DNAH6: variants seen among roughly 807,000 people sequenced by gnomAD.
The protein encoded by DNAH6 is axonemal beta dynein heavy chain 6.
In DNAH6, 340 loss-of-function variants were observed where a neutral mutation model predicts 491.4. The observed-to-expected ratio is 0.69, with a 90% confidence interval of 0.63 to 0.76. The LOEUF is 0.76. DNAH6 is among the 30% of genes least tolerant of loss of function. The pLI, the probability that DNAH6 is intolerant of heterozygous loss-of-function variation, is 0.00. For missense variants in DNAH6, 4,443 were observed against 4,972.2 expected, an observed-to-expected ratio of 0.89 and a Z score of 3.20; for synonymous variants, 1,603 against 1,686.1, an observed-to-expected ratio of 0.95 and a Z score of 1.21.
chr2:84,774,636 G>T (rs1397539990), intron 64 of DNAH6, among the ~76,000 whole-genome samples: 2 of 152,002 alleles, frequency 1.3e-5, no homozygotes, highest in East Asian at 3.8e-4. Flanking sequence ...ATATTGCTTT[G>T]GGAAGTATGG....
In DNAH6 at chr2:84,713,142, A is replaced by T. The variant is rs200543388; in HGVS notation, c.9426A>T (p.Gln3142His). ...DPALEPILLK[Q>H]IFISGGRLLI... is the part of the protein sequence containing the mutation. ...CTCTAGAACCCATTCTTTTGAAACAAATTTTTATCAGTGGTGGCCGACTAC... is the reference window on the plus strand; with the variant it reads ...CTCTAGAACCCATTCTTTTGAAACATATTTTTATCAGTGGTGGCCGACTAC... The change falls in exon 57 of 77, where the codon CAA becomes CAT. Residue 3142 changes from glutamine (Q) to histidine (H), a missense_variant. By Grantham distance (24) the Gln-to-His change is conservative. Coordinates refer to ENST00000389394, the MANE Select transcript of DNAH6 (RefSeq NM_001370.2). 5.2e-6 allele frequency: 8 copies of T among 1,551,742 alleles called. No individual in the cohort carries two copies. The highest frequency in any genetic ancestry group is 7.0e-6 in the Non-Finnish European group (8 of 1,147,002).
Position 84,663,249 on chromosome 2 carries a change from G to A in DNAH6, c.6084+4080G>A, listed in dbSNP as rs147337101. Among the ~76,000 whole-genome samples the A allele has an allele frequency of 1.4e-4, 22 of 152,316 alleles. No individual in the cohort carries two copies. In the East Asian group the frequency reaches 3.1e-3, roughly 21 times the overall value. ...AATCTGGATGGAGAATGACTTTGAC[G>A]AGTTGAGAGAAGAAGGCCTCAGACG... On this transcript the variant is annotated intron_variant, in intron 37 of 76. Transcript: ENST00000389394.
intron 60 of DNAH6, among the ~76,000 whole-genome samples, chr2:84,725,685 AG>A (rs1195471738): frequency 6.6e-6 from 1 of 152,246 alleles, no homozygotes; most frequent in Non-Finnish European, 1.5e-5. Flanking sequence ...GAATCATGAA[AG>A]CTCTGGAGTT....
Position 84,709,481 on chromosome 2 carries a change from A to G in DNAH6, c.9187A>G (p.Thr3063Ala). Residue 3063 changes from threonine to alanine, a missense_variant, in exon 55 of 77, where the codon ACA becomes GCA. This residue lies in a region of DNAH6 where 1,463 missense variants were observed against 1,656.6 expected (regional missense o/e 0.88). Coordinates refer to ENST00000389394, the MANE Select transcript of DNAH6 (RefSeq NM_001370.2). Reference sequence around the variant, plus strand: ...TGGGCTGCCCCGTGACTTGATATCAACAGAAAATGGCATTTTGGTTACTCA... The same window carrying G: ...TGGGCTGCCCCGTGACTTGATATCAGCAGAAAATGGCATTTTGGTTACTCA... The part of the protein sequence containing the change: ...TDGLPRDLIS[T>A]ENGILVTQGR... 1 of 1,551,674 alleles carries G rather than the reference A, an allele frequency of 6.4e-7. No homozygotes were observed. Among genetic ancestry groups the G allele is most frequent in the Non-Finnish European group, 8.7e-7 (1 of 1,147,012 alleles).
At chr2:84,533,216 C>T (rs1037907185) in intron 4 of DNAH6, among the ~76,000 whole-genome samples, 1 of 152,082 alleles carries the variant, frequency 6.6e-6, no homozygotes, top group Non-Finnish European at 1.5e-5. Context: ...TTAGCATTGA[C>T]AGAGAGTGAA....
chr2:84,464,712 G>A, the DNAH6 span, among the ~76,000 whole-genome samples: 28 of 152,270 alleles, frequency 1.8e-4, no homozygotes, highest in South Asian at 5.6e-3. Flanking sequence ...ACTGGTGGGA[G>A]TGTAGCAGTG....
At chr2:84,556,291 T>C (rs986339099) in intron 10 of DNAH6, among the ~76,000 whole-genome samples, 3 of 152,224 alleles carry the variant, frequency 2.0e-5, no homozygotes, top group African/African-American at 7.2e-5. Context: ...GTTTGGGTAT[T>C]GCTGGCCTAT....
chr2:84,677,768 C>T (rs1332701727), intron 41 of DNAH6, among the ~76,000 whole-genome samples: 3 of 152,150 alleles, frequency 2.0e-5, no homozygotes, highest in Admixed American at 6.5e-5. Flanking sequence ...ACTAAAGCCC[C>T]GCATAACCAA....
At chr2:84,803,059 A>G (rs1679078053) in intron 70 of DNAH6, among the ~76,000 whole-genome samples, 1 of 152,198 alleles carries the variant, frequency 6.6e-6, no homozygotes, top group South Asian at 2.1e-4. Flanking sequence ...TGCAACAAAA[A>G]CAGTGTTAAG....
chr2:84,502,878 G>A, the DNAH6 span, among the ~76,000 whole-genome samples: 1 of 152,100 alleles, frequency 6.6e-6, no homozygotes, highest in South Asian at 2.1e-4. Flanking sequence ...TTTCATCTAT[G>A]TGTGTCTTTA....
intron 63 of DNAH6, among the ~76,000 whole-genome samples, chr2:84,756,843 G>T (rs376622284): frequency 6.6e-6 from 1 of 152,160 alleles, no homozygotes; most frequent in African/African-American, 2.4e-5. Flanking sequence ...ATGCTCTGAG[G>T]GCTTCAGTCA....
In DNAH6 at chr2:84,547,565, G is replaced by C. The variant is rs200299504; in HGVS notation, c.1139G>C (p.Arg380Pro). 1 of 1,551,740 alleles carries C rather than the reference G, an allele frequency of 6.4e-7. No homozygotes were observed. Among genetic ancestry groups the C allele is most frequent in the African/African-American group, 1.4e-5 (1 of 73,010 alleles). Residue 380 changes from arginine (R) to proline (P), a missense_variant, in exon 7 of 77, where the codon CGT becomes CCT. Arg to Pro is a moderately radical substitution (Grantham distance 103, BLOSUM62 -2). Transcript: ENST00000389394. Reference sequence around the variant, plus strand: ...AGGAGGGCTTGTCGATTTGCTTTGCGTGCTGCAGGATTTGTTCCTGATGAC... The same window carrying C: ...AGGAGGGCTTGTCGATTTGCTTTGCCTGCTGCAGGATTTGTTCCTGATGAC... Reference protein sequence around the residue: ...VVRRACRFALRAAGFVPDDCA... With the variant: ...VVRRACRFALPAAGFVPDDCA...
the DNAH6 span, among the ~76,000 whole-genome samples, chr2:84,474,397 C>T: frequency 2.0e-5 from 3 of 152,080 alleles, no homozygotes; most frequent in African/African-American, 4.8e-5. Context: ...TGGCAGTTAG[C>T]GAAACAAGAG....
intron 63 of DNAH6, among the ~76,000 whole-genome samples, chr2:84,762,479 G>A (rs887299561): frequency 6.6e-6 from 1 of 152,182 alleles, no homozygotes; most frequent in African/African-American, 2.4e-5. Context: ...AAGCAAGGAA[G>A]GGGAGACAGC....
chr2:84,638,232 C>A (rs574145531), intron 31 of DNAH6, among the ~76,000 whole-genome samples: 37 of 152,148 alleles, frequency 2.4e-4, no homozygotes, highest in African/African-American at 8.7e-4. Context: ...CAGGCTGGAA[C>A]TAAATGGAGG....
In DNAH6 at chr2:84,808,614, T is replaced by C. The variant is rs187201173; in HGVS notation, c.11739+72T>C. 4.2e-5 allele frequency: 61 copies of C among 1,465,248 alleles called. No homozygotes were observed. In the Admixed American group the frequency reaches 1.1e-3, roughly 27 times the overall value. The allele number at this position is 1,465,248 out of a possible 1,614,324, so 90.8% of individuals were successfully genotyped here. A position where few individuals can be genotyped will look rare whatever the true frequency, so the allele number is the denominator to read the frequency against. On this transcript the variant is annotated intron_variant, in intron 72 of 76. Transcript: ENST00000389394. ...TAGAGAGTTGTATAATATGAAATTC[T>C]TCCATTCCCATCACTTCAGCATTTC... is the stretch of plus-strand genomic sequence containing the variant.
intron 63 of DNAH6, among the ~76,000 whole-genome samples, chr2:84,750,527 C>T (rs1197664446): frequency 6.6e-6 from 1 of 152,036 alleles, no homozygotes; most frequent in Non-Finnish European, 1.5e-5. Flanking sequence ...CTTGTAGAAA[C>T]ATATTGAATT....
At chr2:84,720,992 G>C (rs535409611) in intron 59 of DNAH6, among the ~76,000 whole-genome samples, 2 of 152,138 alleles carry the variant, frequency 1.3e-5, no homozygotes, top group African/African-American at 2.4e-5. Flanking sequence ...ACTCCTCTCA[G>C]CTCTTAGAAT....
intron 16 of DNAH6, among the ~76,000 whole-genome samples, chr2:84,592,883 A>C (rs894529769): frequency 6.6e-6 from 1 of 152,168 alleles, no homozygotes; most frequent in African/African-American, 2.4e-5. Context: ...AAAGTAGTCA[A>C]ACTCATATAA....
Sources: allele counts gnomAD v4.1 joint callset (sites outside exome capture counted in the v4.1 genomes callset), GRCh38; gene constraint gnomAD v4.1.1; regional missense constraint gnomAD v4.1.1; transcripts MANE v1.5; gene names NCBI Gene and HGNC (gene_info 2026-07-23, HGNC 2026-07-21).